The following ADCYAP1 variants were observed in gnomAD, a reference collection of about 807,000 sequenced individuals.
The protein encoded by ADCYAP1 is pituitary adenylate cyclase-activating polypeptide.
ADCYAP1 carries 6 observed loss-of-function variants against 18.5 expected under a neutral mutation model. The ratio of observed to expected loss-of-function variants is 0.32; its 90% CI spans 0.18 to 0.64. The LOEUF (loss-of-function observed/expected upper bound fraction) is 0.64, where lower values mean the gene tolerates loss of function less well. Among genes scored for constraint, ADCYAP1 ranks in the 30% least tolerant of loss-of-function variants. The probability of loss-of-function intolerance (pLI) is 0.77; values close to 1 mark genes in which losing one functional copy is unlikely to be tolerated. For missense variants in ADCYAP1, 314 were observed against 253.6 expected (o/e 1.24, Z -1.62); for synonymous variants, 136 against 113.9 (o/e 1.19, Z -1.24).
chr18:907,321 G>C (rs896406214), intron 2 of ADCYAP1, among the ~76,000 whole-genome samples: 4 of 152,186 alleles, frequency 2.6e-5, no homozygotes, highest in African/African-American at 9.7e-5. Flanking sequence ...GGAGGCTCGG[G>C]AGCCAGGCGG....
At position 904,931 on chromosome 18, in the gene ADCYAP1, C is replaced by A. The variant is rs1210829053; in HGVS notation, c.-131C>A. On this transcript the variant is annotated 5_prime_UTR_variant, in exon 1 of 5. Coordinates refer to ENST00000450565, the MANE Select transcript of ADCYAP1 (RefSeq NM_001099733.2). Reference sequence around the variant, plus strand: ...CTCCTGCTGCTCCCGCTGGTTCCTGCGGCTTCTGCTCAGACACCAACGCCA... The same window carrying A: ...CTCCTGCTGCTCCCGCTGGTTCCTGAGGCTTCTGCTCAGACACCAACGCCA... 2 of 1,290,202 alleles carry A rather than the reference C, an allele frequency of 1.6e-6. No homozygotes were observed. Among genetic ancestry groups the A allele is most frequent in the Non-Finnish European group, 2.0e-6 (2 of 989,452 alleles). 79.9% of individuals were successfully genotyped at this position (1,290,202 alleles called of 1,614,324 possible).
intron 4 of ADCYAP1, 85 bp downstream of exon 4, chr18:908,448 G>C (rs1909266138): frequency 1.7e-6 from 2 of 1,189,590 alleles, no homozygotes; most frequent in African/African-American, 1.5e-5. Flanking sequence ...GTGGGTGCCC[G>C]TGGGGGCCAG....
At position 911,094 on chromosome 18, in the gene ADCYAP1, G is replaced by A. The variant is rs1909371525; in HGVS notation, c.*1459G>A. On this transcript the variant is annotated 3_prime_UTR_variant, in exon 5 of 5. Coordinates refer to ENST00000450565, the MANE Select transcript of ADCYAP1 (RefSeq NM_001099733.2). ...TTAGAATGTGTAGTGTTCACATGTTGCTCAGTTTTGCTAACTGATAAATCA... is the reference window on the plus strand; with the variant it reads ...TTAGAATGTGTAGTGTTCACATGTTACTCAGTTTTGCTAACTGATAAATCA... 1 of 152,084 alleles carries A rather than the reference G, an allele frequency of 6.6e-6. No homozygotes were observed. Among genetic ancestry groups the A allele is most frequent in the South Asian group, 2.1e-4 (1 of 4,818 alleles). The allele number at this position is 152,084 out of a possible 1,614,324, so 9.4% of individuals were successfully genotyped here. A position where few individuals can be genotyped will look rare whatever the true frequency, so the allele number is the denominator to read the frequency against.
chr18:910,758 G>C lies in ADCYAP1; in HGVS notation c.*1123G>C, dbSNP rs1909358838. ...GATCCTCTCCTTTGAAACCTGCTCT[G>C]TAGGAGCTACCCTTTTCCTTTGTGG... On this transcript the variant is annotated 3_prime_UTR_variant, in exon 5 of 5. Transcript: ENST00000450565. The C allele has an allele frequency of 6.6e-6, 1 of 152,248 alleles. No homozygotes were observed. Among genetic ancestry groups the C allele is most frequent in the African/African-American group, 2.4e-5 (1 of 41,448 alleles). The allele number at this position is 152,248 out of a possible 1,614,324, so 9.4% of individuals were successfully genotyped here.
At chr18:909,384 C>T in intron 4 of ADCYAP1, 62 bp from the exon 5 acceptor site, 1 of 1,522,140 alleles carries the variant, frequency 6.6e-7, no homozygotes, top group East Asian at 2.3e-5. Flanking sequence ...CGCCTGCTCC[C>T]CGCGGCGATT....
chr18:908,299 C>G lies in ADCYAP1; in HGVS notation c.277C>G (p.Arg93Gly). The G allele has an allele frequency of 6.2e-7, 1 of 1,613,050 alleles. No individual in the cohort carries two copies. ...VAHGILNEAY[R>G]KVLDQLSAGK... The stretch of plus-strand genomic sequence containing the variant: ...CCACGGGATCCTTAACGAGGCCTAC[C>G]GCAAAGTGCTGGACCAGCTGTCCGC... The change falls in exon 4 of 5, where the codon CGC (arginine) becomes GGC (glycine). Residue 93 changes from arginine to glycine, a missense_variant. Transcript: ENST00000450565.
chr18:904,420 A>G (rs764665083), upstream of ADCYAP1: 59 of 1,283,022 alleles, frequency 4.6e-5, no homozygotes, highest in Non-Finnish European at 5.8e-5. Context: ...AATATTCTGT[A>G]CTTAAAGGCA....
rs1379462949 is a variant in ADCYAP1 at position 904,885 on chromosome 18, G to GA, written c.-177_-176insA. 18 of 1,288,386 alleles carry GA rather than the reference G, an allele frequency of 1.4e-5. No homozygotes were observed. The highest frequency in any genetic ancestry group is 1.6e-5 in the Non-Finnish European group (16 of 988,178). The allele number at this position is 1,288,386 out of a possible 1,614,324, so 79.8% of individuals were successfully genotyped here. ...AACTTTTGAGCAGAACACGAGCCTC[G>GA]GCAAACGAGTCCCGCAGCTCCTCCT... is the stretch of plus-strand genomic sequence containing the variant. On this transcript the variant is annotated 5_prime_UTR_variant, in exon 1 of 5. Transcript: ENST00000450565.
chr18:905,400 G>C lies in ADCYAP1; in HGVS notation c.14G>C (p.Ser5Thr). 3 of 1,613,108 alleles carry C rather than the reference G, an allele frequency of 1.9e-6. No homozygotes were observed. Among genetic ancestry groups the C allele is most frequent in the Non-Finnish European group, 2.5e-6 (3 of 1,180,020 alleles). Residue 5 changes from serine to threonine, a missense_variant, in exon 2 of 5, where the codon AGC (serine) becomes ACC (threonine). Coordinates refer to ENST00000450565, the MANE Select transcript of ADCYAP1 (RefSeq NM_001099733.2). Reference protein sequence around the residue: MTMCSGARLALLVYG... With the variant: MTMCTGARLALLVYG... ...ATCCTGCGCAGAATGACCATGTGTA[G>C]CGGAGCGAGGCTGGCCCTGCTGGTC...
At position 905,592 on chromosome 18, in the gene ADCYAP1, T is replaced by G. The variant is rs529524018; in HGVS notation, c.110+96T>G. On this transcript the variant is annotated intron_variant, in intron 2 of 4. Coordinates refer to ENST00000450565, the MANE Select transcript of ADCYAP1 (RefSeq NM_001099733.2). ...TTCCTGCAGTCCTTTGGGTCCAGAC[T>G]ACTAGCATCGCCCTCTGCGCCCCCG... 20 of 1,391,948 alleles carry G rather than the reference T, an allele frequency of 1.4e-5. No homozygotes were observed. The South Asian group carries it at 2.6e-4, about 18-fold the overall frequency. The allele number at this position is 1,391,948 out of a possible 1,614,324, so 86.2% of individuals were successfully genotyped here. A position where few individuals can be genotyped will look rare whatever the true frequency, so the allele number is the denominator to read the frequency against.
chr18:908,906 C>T (rs1909279495), intron 4 of ADCYAP1, among the ~76,000 whole-genome samples: 1 of 152,128 alleles, frequency 6.6e-6, no homozygotes, highest in Non-Finnish European at 1.5e-5. Flanking sequence ...ATGAATAAGT[C>T]ATGCAGTGAA....
chr18:905,741 T>TGA (rs1357732970), intron 2 of ADCYAP1: 1 of 532,928 alleles, frequency 1.9e-6, no homozygotes, highest in Non-Finnish European at 3.3e-6. Context: ...GTAGAGCCAG[T>TGA]GAGCTTCTGG....
chr18:906,588 G>T (rs898742220), intron 2 of ADCYAP1: 8 of 152,296 alleles, frequency 5.3e-5, no homozygotes, highest in Admixed American at 2.0e-4. Flanking sequence ...GCGCATCGCC[G>T]AGCAAAGGCT....
Position 910,343 on chromosome 18 carries a change from A to G in ADCYAP1, c.*708A>G, listed in dbSNP as rs1320440731. The stretch of plus-strand genomic sequence containing the variant: ...CAGCCCAGAAGAAAATTCTCCTGAT[A>G]AAACAACAGCTCGATCCAAATTGTG... On this transcript the variant is annotated 3_prime_UTR_variant, in exon 5 of 5. Coordinates refer to ENST00000450565, the MANE Select transcript of ADCYAP1 (RefSeq NM_001099733.2). The G allele has an allele frequency of 1.3e-5, 2 of 152,240 alleles. No homozygotes were observed. The highest frequency in any genetic ancestry group is 2.1e-4 in the South Asian group (1 of 4,830). 9.4% of individuals were successfully genotyped at this position (152,240 alleles called of 1,614,324 possible).
intron 1 of ADCYAP1, 59 bp downstream of exon 1, chr18:905,119 T>A (rs1325831166): frequency 7.3e-7 from 1 of 1,364,498 alleles, no homozygotes; most frequent in African/African-American, 1.5e-5. Context: ...ATTCTTTCGC[T>A]TGGCATCGCG....
chr18:905,502 T>C lies in ADCYAP1; in HGVS notation c.110+6T>C. 6.2e-7 allele frequency: 1 copy of C among 1,604,876 alleles called. No individual in the cohort carries two copies. The highest frequency in any genetic ancestry group is 8.5e-7 in the Non-Finnish European group (1 of 1,179,916). ...CTCCGGTTCCCCGGGATCAGGTAGG[T>C]GCTGGCTGCCTGGCCCAAGCAGGAG... is the stretch of plus-strand genomic sequence containing the variant. On this transcript the variant is annotated splice_donor_region_variant and intron_variant, in intron 2 of 4. Transcript: ENST00000450565.
At chr18:907,878 T>TTA (rs1491242151) in intron 3 of ADCYAP1, 88 bp downstream of exon 3, 1 of 172,902 alleles carries the variant, frequency 5.8e-6, no homozygotes, top group East Asian at 1.7e-4. Context: ...CCACCCAGGA[T>TTA]TTTTTTTTTT....
intron 1 of ADCYAP1, 141 bp from the exon 2 acceptor site, chr18:905,245 G>A: frequency 3.4e-6 from 5 of 1,474,920 alleles, no homozygotes; most frequent in Non-Finnish European, 4.5e-6. Context: ...GGCGCGCACC[G>A]GCTGTCGCCA....
chr18:904,618 C>G, upstream of ADCYAP1: 1 of 1,252,882 alleles, frequency 8.0e-7, no homozygotes, highest in South Asian at 1.3e-5. Context: ...CCGACCCTCG[C>G]GGCTGCCTGG....
Sources: gnomAD v4.1 joint callset for allele counts (sites outside exome capture counted in the v4.1 genomes callset) on GRCh38, gnomAD v4.1.1 for gene constraint, MANE v1.5 for transcripts, NCBI Gene and HGNC (gene_info 2026-07-23, HGNC 2026-07-21) for gene names.